The following PTPRN2 variants were observed in gnomAD, a reference collection of about 807,000 sequenced individuals.
PTPRN2 encodes the protein protein tyrosine phosphatase receptor type N2, also known as receptor-type tyrosine-protein phosphatase N2.
A neutral mutation model predicts 118.8 loss-of-function variants in PTPRN2; 74 were observed. The ratio of observed to expected loss-of-function variants is 0.62; its 90% CI spans 0.52 to 0.76. The LOEUF (loss-of-function observed/expected upper bound fraction) is 0.76, where lower values mean the gene tolerates loss of function less well. Among genes scored for constraint, PTPRN2 ranks in the 30% least tolerant of loss-of-function variants. The pLI is 0.00. For synonymous variants in PTPRN2, 641 were observed against 608.0 expected (o/e 1.05, Z -0.80); for missense variants, 1,481 against 1,394.4 (o/e 1.06, Z -0.99).
intron 12 of PTPRN2, among the ~76,000 whole-genome samples, chr7:157,809,509 A>G (rs1011173870): frequency 7.2e-5 from 11 of 152,136 alleles, no homozygotes; most frequent in African/African-American, 2.4e-4. Context: ...GACACGTTCA[A>G]CTCCTAACAC....
chr7:157,819,442 A>G (rs1806654555), intron 12 of PTPRN2, among the ~76,000 whole-genome samples: 1 of 152,182 alleles, frequency 6.6e-6, no homozygotes, highest in African/African-American at 2.4e-5. Context: ...GCGCAGAGGA[A>G]GAAGCGCGAG....
chr7:157,730,695 T>G (rs1442253918), intron 12 of PTPRN2, among the ~76,000 whole-genome samples: 1 of 152,070 alleles, frequency 6.6e-6, no homozygotes, highest in Admixed American at 6.5e-5. Context: ...ATGACCACAG[T>G]GGGGTCTTTA....
intron 1 of PTPRN2, among the ~76,000 whole-genome samples, chr7:158,567,078 TTTC>T (rs1474242994): frequency 3.9e-5 from 6 of 152,222 alleles, no homozygotes; most frequent in African/African-American, 1.2e-4. Flanking sequence ...GATTTTTCAT[TTTC>T]TTCTTCATTT....
chr7:158,110,091 C>A (rs1320106215), intron 10 of PTPRN2, among the ~76,000 whole-genome samples: 1 of 152,162 alleles, frequency 6.6e-6, no homozygotes, highest in Non-Finnish European at 1.5e-5. Flanking sequence ...GGTCCACAGG[C>A]AGGTGGGCAC....
At position 157,560,309 on chromosome 7, in the gene PTPRN2, C is replaced by T. The variant is rs1799120357; in HGVS notation, c.2902+8593G>A. ...CGGCTCCATGCACAGGGACGAAGAC[C>T]CCCGAGGAGACCATCGAAGGATGGT... is the stretch of plus-strand genomic sequence containing the variant. On this transcript the variant is annotated intron_variant, in intron 21 of 22. Coordinates refer to ENST00000389418, the MANE Select transcript of PTPRN2 (RefSeq NM_002847.5). The surrounding 1 kb of genome is among the most constrained non-coding windows in gnomAD (Gnocchi z 6.7). 6.6e-6 allele frequency among the ~76,000 whole-genome samples: 1 copy of T among 152,248 alleles called. No individual in the cohort carries two copies. Among genetic ancestry groups the T allele is most frequent in the East Asian group, 1.9e-4 (1 of 5,178 alleles).
intron 2 of PTPRN2, among the ~76,000 whole-genome samples, chr7:158,486,252 A>T (rs1821013511): frequency 6.6e-6 from 1 of 152,232 alleles, no homozygotes; most frequent in African/African-American, 2.4e-5. Flanking sequence ...CCATGCTCCC[A>T]CCAGCAGGGC....
At chr7:158,323,684 A>G (rs1278946879) in intron 2 of PTPRN2, among the ~76,000 whole-genome samples, 1 of 152,186 alleles carries the variant, frequency 6.6e-6, no homozygotes, top group Admixed American at 6.5e-5. Context: ...TCCTTAGAGC[A>G]CTGTTCCCAC....
At chr7:158,193,529 C>G (rs983509057) in intron 4 of PTPRN2, among the ~76,000 whole-genome samples, 1 of 152,016 alleles carries the variant, frequency 6.6e-6, no homozygotes, top group African/African-American at 2.4e-5. Flanking sequence ...TGGGCATGCA[C>G]AGAGGATGTC....
At chr7:158,444,330 G>A (rs117511506) in intron 2 of PTPRN2, among the ~76,000 whole-genome samples, 177 of 152,382 alleles carry the variant, frequency 1.2e-3, no homozygotes, top group Non-Finnish European at 2.0e-3. Context: ...GAGCCCCAGC[G>A]CCCAGGCGCC....
At chr7:158,418,420 G>A (rs1814944866) in intron 2 of PTPRN2, among the ~76,000 whole-genome samples, 1 of 150,890 alleles carries the variant, frequency 6.6e-6, no homozygotes, top group Non-Finnish European at 1.5e-5. Context: ...TTGTCATGGT[G>A]TACTACATCG....
Position 158,587,624 on chromosome 7 carries a change from G to A in PTPRN2, c.46C>T (p.Pro16Ser), listed in dbSNP as rs1375582474. Residue 16 changes from proline (P) to serine (S), a missense_variant, in exon 1 of 23, where the codon CCG becomes TCG. Transcript: ENST00000389418. ...GGGGCGGCAGGCAGGACGCGTGGCG[G>A]CAGCAGCAGCAGTAGCAGCAGCAGC... ...PLLLLLLLLL[P>S]PRVLPAAPSS... The A allele has an allele frequency of 2.2e-6, 3 of 1,351,866 alleles. No individual in the cohort carries two copies. Among genetic ancestry groups the A allele is most frequent in the Admixed American group, 7.2e-5 (2 of 27,664 alleles). 83.7% of individuals were successfully genotyped at this position (1,351,866 alleles called of 1,614,324 possible).
chr7:157,853,496 T>C (rs1469937933), intron 12 of PTPRN2, among the ~76,000 whole-genome samples: 1 of 151,886 alleles, frequency 6.6e-6, no homozygotes, highest in Non-Finnish European at 1.5e-5. Context: ...GTAACCTTTG[T>C]GTACAGGCTG....
At chr7:158,274,629 C>T (rs1051174902) in intron 3 of PTPRN2, among the ~76,000 whole-genome samples, 10 of 152,176 alleles carry the variant, frequency 6.6e-5, no homozygotes, top group East Asian at 1.9e-4. Context: ...CCTGGGAACG[C>T]TGTGGAAATG....
chr7:158,458,757 C>G (rs540115820), intron 2 of PTPRN2, among the ~76,000 whole-genome samples: 1 of 152,154 alleles, frequency 6.6e-6, no homozygotes, highest in South Asian at 2.1e-4. Flanking sequence ...CCAGGCTGGG[C>G]GGGCTCCACG....
rs1431870746 is a variant in PTPRN2, at chr7:157,977,819, G to A, written c.1724-79082C>T. ...TAAGAGCTCCCTGTTGCTGCTGCTG[G>A]GGGAGCAGGAAGGGGGATCACCCTG... On this transcript the variant is annotated intron_variant, in intron 11 of 22. Coordinates refer to ENST00000389418, the MANE Select transcript of PTPRN2 (RefSeq NM_002847.5). The surrounding 1 kb of genome is among the most constrained non-coding windows in gnomAD (Gnocchi z 4.6). Among the ~76,000 whole-genome samples, 1 of 151,794 alleles carries A rather than the reference G, an allele frequency of 6.6e-6. No individual in the cohort carries two copies. The highest frequency in any genetic ancestry group is 1.5e-5 in the Non-Finnish European group (1 of 67,904).
At chr7:158,034,720 C>T (rs1227857528) in intron 11 of PTPRN2, among the ~76,000 whole-genome samples, 2 of 152,228 alleles carry the variant, frequency 1.3e-5, no homozygotes, top group Non-Finnish European at 1.5e-5. Flanking sequence ...GTGAGTGTCT[C>T]ACCCTGAGTC....
rs577276220 is a variant in PTPRN2, at chr7:158,263,387, G to A, written c.277+53432C>T. ...ACACACATGCACACTGTACACACAC[G>A]TGCACATCCACATTCATCCACAATG... On this transcript the variant is annotated intron_variant, in intron 3 of 22. Transcript: ENST00000389418. Among the ~76,000 whole-genome samples, 252 of 149,204 alleles carry A rather than the reference G, an allele frequency of 1.7e-3. 2 individuals are homozygous for A. Among genetic ancestry groups the A allele is most frequent in the African/African-American group, 5.8e-3 (226 of 39,064 alleles).
chr7:158,431,469 C>T (rs200398790), intron 2 of PTPRN2, among the ~76,000 whole-genome samples: 2 of 3,908 alleles, frequency 5.1e-4, no homozygotes, highest in Admixed American at 2.6e-3. Flanking sequence ...ACACACTGGG[C>T]ACATACTGGG....
chr7:158,187,816 T>A (rs1163710019), intron 5 of PTPRN2, among the ~76,000 whole-genome samples: 1 of 152,200 alleles, frequency 6.6e-6, no homozygotes, highest in Non-Finnish European at 1.5e-5. Context: ...AATGACTTCC[T>A]GATAATTATG....
Sources: allele counts gnomAD v4.1 joint callset (sites outside exome capture counted in the v4.1 genomes callset), GRCh38; gene constraint gnomAD v4.1.1; non-coding constraint Gnocchi (gnomAD v3.1); transcripts MANE v1.5; gene names NCBI Gene and HGNC (gene_info 2026-07-23, HGNC 2026-07-21).